Variants in RBFOX1 observed in about 807,000 individuals in gnomAD.
RBFOX1 encodes RNA binding protein fox-1 homolog 1.
RBFOX1 carries 8 observed loss-of-function variants against 57.7 expected under a neutral mutation model. The ratio of observed to expected loss-of-function variants is 0.14; its 90% CI spans 0.08 to 0.25. The LOEUF (loss-of-function observed/expected upper bound fraction) is 0.25. RBFOX1 is among the 10% of genes least tolerant of loss of function. RBFOX1 has a pLI of 1.00. For missense variants in RBFOX1, 611 were observed against 548.5 expected, an observed-to-expected ratio of 1.11 and a Z score of -1.14; for synonymous variants, 326 against 222.4, an observed-to-expected ratio of 1.47 and a Z score of -4.15.
At chr16:7,530,044 C>A (rs1288235759) in intron 5 of RBFOX1, among the ~76,000 whole-genome samples, 1 of 148,652 alleles carries the variant, frequency 6.7e-6, no homozygotes, top group Non-Finnish European at 1.5e-5. Context: ...GGAACCTGAA[C>A]CCTTTAAGGG....
At chr16:5,886,670 C>T (rs117626335) in intron 4 of RBFOX1, among the ~76,000 whole-genome samples, 1,733 of 152,306 alleles carry the variant, frequency 0.011, 12 homozygotes, top group Non-Finnish European at 0.018. Flanking sequence ...GGCAGATCAT[C>T]TGAGGTCAGG....
In RBFOX1 at chr16:5,406,590, CTATA is replaced by C. The variant is rs372914852; in HGVS notation, c.220-60620_220-60617del. 4.0e-4 allele frequency among the ~76,000 whole-genome samples: 61 copies of C among 151,764 alleles called. No individual in the cohort carries two copies. The East Asian group carries it at 0.011, about 27-fold the overall frequency. On this transcript the variant is annotated intron_variant, in intron 1 of 2. Transcript: ENST00000585867. Reference sequence around the variant, plus strand: ...TCTCTCTTTATTTCTCTCTCTCTCTCTATATATATGTATATATATTCACACACAC... The same window carrying C: ...TCTCTCTTTATTTCTCTCTCTCTCTCTATATGTATATATATTCACACACAC...
chr16:7,464,225 T>G (rs1037294487), intron 4 of RBFOX1, among the ~76,000 whole-genome samples: 15 of 152,214 alleles, frequency 9.9e-5, no homozygotes, highest in African/African-American at 3.6e-4. Context: ...TGTGCACCTG[T>G]GCACCTATGC....
chr16:7,389,279 C>G (rs116520056), intron 4 of RBFOX1, among the ~76,000 whole-genome samples: 1 of 152,230 alleles, frequency 6.6e-6, no homozygotes, highest in Non-Finnish European at 1.5e-5. Context: ...GTGTGTGTCA[C>G]CACGCCCAGC....
At chr16:6,882,854 A>G (rs1177142986) in intron 3 of RBFOX1, among the ~76,000 whole-genome samples, 3 of 152,192 alleles carry the variant, frequency 2.0e-5, no homozygotes, top group South Asian at 2.1e-4. Context: ...GTTCACCCCC[A>G]GGAGTGAACA....
intron 4 of RBFOX1, among the ~76,000 whole-genome samples, chr16:5,940,922 T>G (rs2059265622): frequency 6.6e-6 from 1 of 152,036 alleles, no homozygotes; most frequent in South Asian, 2.1e-4. Context: ...GATTTTGGAG[T>G]CAGACTGCCT....
intron 3 of RBFOX1, among the ~76,000 whole-genome samples, chr16:6,764,978 T>G (rs1406718721): frequency 6.6e-6 from 1 of 151,880 alleles, no homozygotes; most frequent in South Asian, 2.1e-4. Context: ...ATTAATGGGA[T>G]ATTGTAATGG....
At chr16:5,327,582 T>A (rs2064617722) in intron 1 of RBFOX1, among the ~76,000 whole-genome samples, 1 of 152,168 alleles carries the variant, frequency 6.6e-6, no homozygotes, top group South Asian at 2.1e-4. Context: ...CGCCCCAATC[T>A]GCACAATAGG....
Position 7,073,688 on chromosome 16 carries a change from T to C in RBFOX1, c.27+21590T>C, listed in dbSNP as rs2057780036. Among the ~76,000 whole-genome samples the C allele has an allele frequency of 8.7e-5, 13 of 149,868 alleles. 1 individual carries two copies. In the South Asian group the frequency reaches 2.5e-3, roughly 29 times the overall value. Reference sequence around the variant, plus strand: ...GCAAAACCCCTTCTCTACAAAATAATAAAAAAAAATATATACAAAAAAAAA... The same window carrying C: ...GCAAAACCCCTTCTCTACAAAATAACAAAAAAAAATATATACAAAAAAAAA... On this transcript the variant is annotated intron_variant, in intron 4 of 15. Transcript: ENST00000550418.
intron 1 of RBFOX1, among the ~76,000 whole-genome samples, chr16:5,312,497 A>G (rs2064119019): frequency 6.6e-6 from 1 of 151,960 alleles, no homozygotes; most frequent in Admixed American, 6.6e-5. Context: ...TGTGGTTTTT[A>G]GTAGAGACGG....
intron 1 of RBFOX1, among the ~76,000 whole-genome samples, chr16:5,462,244 C>A (rs1394304296): frequency 6.7e-6 from 1 of 149,278 alleles, no homozygotes. Flanking sequence ...TCTCGGCTCA[C>A]TGCAAGCTCC....
At chr16:5,732,480 A>C (rs375919221) in intron 3 of RBFOX1, among the ~76,000 whole-genome samples, 1 of 152,286 alleles carries the variant, frequency 6.6e-6, no homozygotes, top group Non-Finnish European at 1.5e-5. Context: ...GCTCTAGGGC[A>C]CTTGTCAAAA....
At chr16:6,152,529 C>T (rs923361151) in intron 1 of RBFOX1, among the ~76,000 whole-genome samples, 1 of 152,168 alleles carries the variant, frequency 6.6e-6, no homozygotes, top group Non-Finnish European at 1.5e-5. Context: ...TTAGAGGCCC[C>T]ACTGGAGTGT....
chr16:7,237,741 C>G (rs544084012), intron 4 of RBFOX1, among the ~76,000 whole-genome samples: 205 of 152,340 alleles, frequency 1.3e-3, no homozygotes, highest in African/African-American at 4.9e-3. Context: ...TGTGGTGGCT[C>G]TAGCCTGCAA....
intron 3 of RBFOX1, among the ~76,000 whole-genome samples, chr16:6,981,579 G>A (rs943158074): frequency 1.3e-5 from 2 of 152,120 alleles, no homozygotes; most frequent in Admixed American, 6.6e-5. Context: ...ACAGTTCCAC[G>A]TGGCTGGGGA....
chr16:5,434,299 G>C (rs1456337490), intron 1 of RBFOX1, among the ~76,000 whole-genome samples: 1 of 143,802 alleles, frequency 7.0e-6, no homozygotes, highest in Non-Finnish European at 1.5e-5. Context: ...ATCAGAGGGA[G>C]CCATCTCTGC....
intron 3 of RBFOX1, among the ~76,000 whole-genome samples, chr16:6,739,706 A>G (rs1343432232): frequency 6.6e-6 from 1 of 151,976 alleles, no homozygotes; most frequent in Admixed American, 6.6e-5. Flanking sequence ...GTGAAACCCC[A>G]TCTCTACTAA....
chr16:7,207,782 G>A (rs2090297810), intron 4 of RBFOX1, among the ~76,000 whole-genome samples: 1 of 152,178 alleles, frequency 6.6e-6, no homozygotes, highest in African/African-American at 2.4e-5. Context: ...AGTTCATGTA[G>A]CTTCTCCTAG....
At chr16:7,023,158 C>T (rs1021362207) in intron 3 of RBFOX1, among the ~76,000 whole-genome samples, 1 of 151,994 alleles carries the variant, frequency 6.6e-6, no homozygotes, top group East Asian at 1.9e-4. Flanking sequence ...TGGGAGGCTG[C>T]AGAAGGAGGG....
Sources: allele counts gnomAD v4.1 joint callset (sites outside exome capture counted in the v4.1 genomes callset), GRCh38; gene constraint gnomAD v4.1.1; transcripts MANE v1.5; gene names NCBI Gene and HGNC (gene_info 2026-07-23, HGNC 2026-07-21).